LMX1B: variants seen among roughly 807,000 people sequenced by gnomAD.
LMX1B encodes the protein LIM homeobox transcription factor 1 beta.
In LMX1B, 12 loss-of-function variants were observed where a neutral mutation model predicts 51.4. The observed-to-expected ratio is 0.23, with a 90% CI of 0.15 to 0.38. The LOEUF is 0.38. LMX1B is among the 10% of genes least tolerant of loss of function. The pLI, the probability that LMX1B is intolerant of heterozygous loss-of-function variation, is 1.00. For synonymous variants in LMX1B, 237 were observed against 235.4 expected (o/e 1.01, Z -0.06); for missense variants, 445 against 571.1 (o/e 0.78, Z 2.25).
chr9:126,694,422 C>T (rs558759466), intron 6 of LMX1B, among the ~76,000 whole-genome samples: 2 of 152,304 alleles, frequency 1.3e-5, no homozygotes, highest in East Asian at 3.9e-4. Context: ...CTTGTCAGGG[C>T]GTGAAGGGCC....
intron 6 of LMX1B, 169 bp downstream of exon 6, chr9:126,693,981 G>A: frequency 6.8e-6 from 4 of 584,736 alleles, no homozygotes; most frequent in Non-Finnish European, 1.2e-5. Context: ...GGCCCGGGAT[G>A]TTTCTTTTAA....
Position 126,695,748 on chromosome 9 carries a change from G to A in LMX1B, c.887-91G>A. The stretch of plus-strand genomic sequence containing the variant: ...CTTCAGCCAGAGTGGGGTGCCTGGG[G>A]AGTCCCAAGGAGATCAGAAGGGGAG... On this transcript the variant is annotated intron_variant, in intron 6 of 7. Transcript: ENST00000373474. This position sits in a 1 kb window ranked among gnomAD's most constrained non-coding sequence, Gnocchi z 5.2. 1.4e-6 allele frequency: 2 copies of A among 1,459,862 alleles called. No individual in the cohort carries two copies. The highest frequency in any genetic ancestry group is 2.5e-5 in the South Asian group (2 of 81,410). 90.4% of individuals were successfully genotyped at this position (1,459,862 alleles called of 1,614,324 possible). A position where few individuals can be genotyped will look rare whatever the true frequency, so the allele number is the denominator to read the frequency against.
intron 2 of LMX1B, among the ~76,000 whole-genome samples, chr9:126,659,998 ACACTGGCCTTGGAAATTGTCCTGT>A: frequency 7.2e-6 from 1 of 139,774 alleles, no homozygotes; most frequent in Non-Finnish European, 1.5e-5. Context: ...GTGTGTGTCT[ACACTGGCCTTGGAAATTGTCCTGT>A]GTGGGGGTGT....
chr9:126,693,637 T>G, intron 5 of LMX1B, 36 bp downstream of exon 5: 1 of 1,611,944 alleles, frequency 6.2e-7, no homozygotes, highest in Non-Finnish European at 8.5e-7. Flanking sequence ...TGGCCCCGGG[T>G]AGGGTGGGAC....
intron 2 of LMX1B, among the ~76,000 whole-genome samples, chr9:126,682,809 C>T (rs1435400375): frequency 1.4e-5 from 2 of 143,778 alleles, no homozygotes; most frequent in Admixed American, 7.2e-5. Context: ...GTAGGAGAAT[C>T]GCTTGAACCC....
In LMX1B at chr9:126,696,016, A is replaced by ACCGGGGGGCCCCCCCCCC; in HGVS notation, c.1051+15_1051+16insGGGGGGCCCCCCCCCCCC. ...ATGAACCCCTATGGTAAGCCGCCCTACCCCCACCCGCCCGCCCCAGCACAG... is the reference window on the plus strand; with the variant it reads ...ATGAACCCCTATGGTAAGCCGCCCTACCGGGGGGCCCCCCCCCCCCCCCACCCGCCCGCCCCAGCACAG... On this transcript the variant is annotated intron_variant, in intron 7 of 7. Coordinates refer to ENST00000373474, the MANE Select transcript of LMX1B (RefSeq NM_001174147.2). The ACCGGGGGGCCCCCCCCCC allele has an allele frequency of 6.6e-7, 1 of 1,512,704 alleles. No individual in the cohort carries two copies. Among genetic ancestry groups the ACCGGGGGGCCCCCCCCCC allele is most frequent in the East Asian group, 2.4e-5 (1 of 41,104 alleles). The allele number at this position is 1,512,704 out of a possible 1,614,324, so 93.7% of individuals were successfully genotyped here. A position where few individuals can be genotyped will look rare whatever the true frequency, so the allele number is the denominator to read the frequency against.
chr9:126,692,474 A>G (rs1166378253), intron 3 of LMX1B, among the ~76,000 whole-genome samples: 1 of 152,212 alleles, frequency 6.6e-6, no homozygotes, highest in Non-Finnish European at 1.5e-5. Context: ...GGGAGAATGC[A>G]CATGCTTCCG....
intron 2 of LMX1B, among the ~76,000 whole-genome samples, chr9:126,632,195 C>G (rs1255199672): frequency 6.6e-6 from 1 of 152,192 alleles, no homozygotes. Context: ...AGAGCCATAC[C>G]AGTCCATGGG....
At chr9:126,630,259 C>T (rs544098488) in intron 2 of LMX1B, among the ~76,000 whole-genome samples, 14 of 152,100 alleles carry the variant, frequency 9.2e-5, no homozygotes, top group African/African-American at 3.4e-4. Context: ...GGCCACACAG[C>T]CAGTGGGGGG....
In LMX1B at chr9:126,627,983, C is replaced by T. The variant is rs528011849; in HGVS notation, c.326+12414C>T. ...ATGGGAAGGTTCTTCAATCCCAGCT[C>T]TTTAAGAAGGGGTGACAGGTGGACC... On this transcript the variant is annotated intron_variant, in intron 2 of 7. Transcript: ENST00000373474. Among the ~76,000 whole-genome samples the T allele has an allele frequency of 1.9e-4, 29 of 152,248 alleles. No homozygotes were observed. The South Asian group carries it at 5.8e-3, about 30-fold the overall frequency.
chr9:126,616,198 T>C, intron 2 of LMX1B, among the ~76,000 whole-genome samples: 1 of 152,174 alleles, frequency 6.6e-6, no homozygotes, highest in Admixed American at 6.5e-5. Flanking sequence ...TCTCAAAAGG[T>C]GGCAAGTTAC....
intron 2 of LMX1B, among the ~76,000 whole-genome samples, chr9:126,687,143 T>C (rs1198357738): frequency 1.3e-5 from 2 of 151,974 alleles, no homozygotes; most frequent in Admixed American, 1.3e-4. Flanking sequence ...ACCTTCTTCA[T>C]GCCAGCATGG....
rs181507812 is a variant in LMX1B at position 126,643,161 on chromosome 9, G to A, written c.326+27592G>A. Among the ~76,000 whole-genome samples, 576 of 152,286 alleles carry A rather than the reference G, an allele frequency of 3.8e-3. 2 individuals are homozygous for A. Among genetic ancestry groups the A allele is most frequent in the Middle Eastern group, 6.8e-3 (2 of 294 alleles). The stretch of plus-strand genomic sequence containing the variant: ...ACTTGTGTGCACAGCTGGGGGCTAG[G>A]GGTGGAGGCTGGGGGGCAGTTCTCC... On this transcript the variant is annotated intron_variant, in intron 2 of 7. Coordinates refer to ENST00000373474, the MANE Select transcript of LMX1B (RefSeq NM_001174147.2).
rs1273604944 is a variant in LMX1B at position 126,690,447 on chromosome 9, T to A, written c.327-389T>A. Among the ~76,000 whole-genome samples the A allele has an allele frequency of 3.4e-4, 52 of 151,960 alleles. 1 individual carries two copies. Among genetic ancestry groups the A allele is most frequent in the Admixed American group, 3.4e-3 (52 of 15,260 alleles). On this transcript the variant is annotated intron_variant, in intron 2 of 7. Coordinates refer to ENST00000373474, the MANE Select transcript of LMX1B (RefSeq NM_001174147.2). Reference sequence around the variant, plus strand: ...GCTTGGATGTGTTGGTGAGGGAGGATCAGAGGAGAGGCAGACCAGGGAGCT... The same window carrying A: ...GCTTGGATGTGTTGGTGAGGGAGGAACAGAGGAGAGGCAGACCAGGGAGCT...
Position 126,641,694 on chromosome 9 carries a change from C to T in LMX1B, c.326+26125C>T, listed in dbSNP as rs1438625035. ...TGCTTGCTGAGCTGCACTGGGGAGGCTCTTTCTTCAAGGGGACTCTCTTCT... is the reference window on the plus strand; with the variant it reads ...TGCTTGCTGAGCTGCACTGGGGAGGTTCTTTCTTCAAGGGGACTCTCTTCT... On this transcript the variant is annotated intron_variant, in intron 2 of 7. Coordinates refer to ENST00000373474, the MANE Select transcript of LMX1B (RefSeq NM_001174147.2). The surrounding 1 kb of genome is among the most constrained non-coding windows in gnomAD (Gnocchi z 4.1). 1.3e-5 allele frequency among the ~76,000 whole-genome samples: 2 copies of T among 152,116 alleles called. No individual in the cohort carries two copies. The highest frequency in any genetic ancestry group is 3.9e-4 in the East Asian group (2 of 5,192).
chr9:126,693,354 C>T, intron 4 of LMX1B, 31 bp downstream of exon 4: 11 of 1,577,440 alleles, frequency 7.0e-6, no homozygotes, highest in Non-Finnish European at 9.5e-6. Flanking sequence ...GGGGCTCAGG[C>T]TGATGCCCGC....
chr9:126,636,783 G>C (rs972816808), intron 2 of LMX1B, among the ~76,000 whole-genome samples: 1 of 152,186 alleles, frequency 6.6e-6, no homozygotes, highest in Middle Eastern at 3.2e-3. Context: ...TCCGGCACAG[G>C]GAATGGCCCA....
intron 2 of LMX1B, among the ~76,000 whole-genome samples, chr9:126,683,672 C>T (rs1451579419): frequency 1.3e-5 from 2 of 152,220 alleles, no homozygotes; most frequent in African/African-American, 2.4e-5. Context: ...TACAGCCTGC[C>T]ATCCTGGGCA....
chr9:126,661,581 G>A (rs1375207311), intron 2 of LMX1B, among the ~76,000 whole-genome samples: 2 of 152,314 alleles, frequency 1.3e-5, no homozygotes, highest in East Asian at 3.9e-4. Flanking sequence ...AGACAAGGGA[G>A]GCCCCTCCCT....
Sources: allele counts gnomAD v4.1 joint callset (sites outside exome capture counted in the v4.1 genomes callset), GRCh38; gene constraint gnomAD v4.1.1; non-coding constraint Gnocchi (gnomAD v3.1); transcripts MANE v1.5; gene names NCBI Gene and HGNC (gene_info 2026-07-23, HGNC 2026-07-21).